IGF2BP3: variants seen among roughly 807,000 people sequenced by gnomAD.
IGF2BP3 encodes the protein insulin like growth factor 2 mRNA binding protein 3.
IGF2BP3 carries 9 observed loss-of-function variants against 73.8 expected under a neutral mutation model. The ratio of observed to expected loss-of-function variants is 0.12; its 90% CI spans 0.07 to 0.21. The LOEUF is 0.21. Ranked by LOEUF, IGF2BP3 falls within the 10% of genes least tolerant of loss-of-function variation. The pLI is 1.00. For synonymous variants in IGF2BP3, 258 were observed against 256.7 expected, an observed-to-expected ratio of 1.01 and a Z score of -0.05; for missense variants, 542 against 714.0, an observed-to-expected ratio of 0.76 and a Z score of 2.75.
rs532008659 is a variant in IGF2BP3, at chr7:23,344,042, G to A, written c.942-189C>T. Among the ~76,000 whole-genome samples, 3 of 152,318 alleles carry A rather than the reference G, an allele frequency of 2.0e-5. No homozygotes were observed. In the South Asian group the frequency reaches 6.2e-4, roughly 32 times the overall value. On this transcript the variant is annotated intron_variant, in intron 8 of 14. Coordinates refer to ENST00000258729, the MANE Select transcript of IGF2BP3 (RefSeq NM_006547.3). ...TCCGAAACTGTAAAGCTGCAAGAGA[G>A]AAGAAAATATTTGCCCTCCCATTTT...
At chr7:23,413,911 G>C (rs1272669537) in intron 3 of IGF2BP3, 1 of 152,230 alleles carries the variant, frequency 6.6e-6, no homozygotes, top group Non-Finnish European at 1.5e-5. Flanking sequence ...CCAGCACTGT[G>C]GGAGGCCAAG....
At chr7:23,338,022 A>AT (rs11436871) in intron 10 of IGF2BP3, among the ~76,000 whole-genome samples, 2,607 of 151,372 alleles carry the variant, frequency 0.017, 66 homozygotes, top group African/African-American at 0.059. Flanking sequence ...AATTTAAGCC[A>AT]TTTTTTTTTC....
At chr7:23,427,317 A>G (rs1787542157) in intron 2 of IGF2BP3, among the ~76,000 whole-genome samples, 1 of 152,170 alleles carries the variant, frequency 6.6e-6, no homozygotes, top group Non-Finnish European at 1.5e-5. Context: ...CCGTTTCCCT[A>G]TAGGAAACTC....
intron 10 of IGF2BP3, among the ~76,000 whole-genome samples, chr7:23,337,857 T>G (rs1784611833): frequency 6.6e-6 from 1 of 152,186 alleles, no homozygotes; most frequent in Non-Finnish European, 1.5e-5. Flanking sequence ...TCTTGTTGGC[T>G]GGAAACAGAC....
chr7:23,366,542 AAAC>A (rs1251340219), intron 3 of IGF2BP3, among the ~76,000 whole-genome samples: 1 of 151,552 alleles, frequency 6.6e-6, no homozygotes, highest in Admixed American at 6.6e-5. Context: ...CATGGCTTTA[AAAC>A]AAAGTAAAAA....
At chr7:23,359,235 T>C (rs1356269258) in intron 5 of IGF2BP3, among the ~76,000 whole-genome samples, 2 of 152,210 alleles carry the variant, frequency 1.3e-5, no homozygotes, top group Non-Finnish European at 2.9e-5. Flanking sequence ...CCAGTCTACC[T>C]TTCCTGTGCT....
At chr7:23,422,127 A>G (rs1026746564) in intron 2 of IGF2BP3, among the ~76,000 whole-genome samples, 3 of 152,158 alleles carry the variant, frequency 2.0e-5, no homozygotes, top group Non-Finnish European at 2.9e-5. Flanking sequence ...TTAGCAGCAG[A>G]GTTAAGAAAC....
chr7:23,465,523 T>TC (rs34021878), intron 2 of IGF2BP3, among the ~76,000 whole-genome samples: 26,720 of 150,850 alleles, frequency 0.18, 2,694 homozygotes, highest in African/African-American at 0.27. Flanking sequence ...CCTGAAAGGG[T>TC]CCCCCCCCAA....
chr7:23,444,961 G>A (rs1422152315), intron 2 of IGF2BP3, among the ~76,000 whole-genome samples: 1 of 152,030 alleles, frequency 6.6e-6, no homozygotes, highest in Non-Finnish European at 1.5e-5. Context: ...AGGAAGCTAA[G>A]GTGGAAGGAT....
At chr7:23,340,910 C>T (rs1188896140) in intron 10 of IGF2BP3, among the ~76,000 whole-genome samples, 8 of 149,994 alleles carry the variant, frequency 5.3e-5, no homozygotes, top group South Asian at 4.2e-4. Flanking sequence ...AGTGCAATGG[C>T]GCAATCTCAG....
Position 23,313,602 on chromosome 7 carries a change from T to C in IGF2BP3, c.1447A>G (p.Lys483Glu). Reference protein sequence around the residue: ...KIKEENFVSPKEEVKLEAHIR... With the variant: ...KIKEENFVSPEEEVKLEAHIR... ...TGAGCTTCAAGTTTCACCTCTTCTT[T>C]AGGACTAACAAAGTTTTCTTCTTTA... Residue 483 changes from lysine to glutamate, a missense_variant, in exon 13 of 15, where the codon AAA becomes GAA. Transcript: ENST00000258729. The C allele has an allele frequency of 6.2e-7, 1 of 1,614,004 alleles. No individual in the cohort carries two copies. The highest frequency in any genetic ancestry group is 8.5e-7 in the Non-Finnish European group (1 of 1,179,944).
chr7:23,322,577 A>G lies in IGF2BP3; in HGVS notation c.1204-3323T>C, dbSNP rs1447228069. On this transcript the variant is annotated intron_variant, in intron 10 of 14. Coordinates refer to ENST00000258729, the MANE Select transcript of IGF2BP3 (RefSeq NM_006547.3). ...ATTCAGGAAATACAGAAAACGCCAC[A>G]AAGATACTCCTCGAGAAGAGCAACT... 2.0e-5 allele frequency among the ~76,000 whole-genome samples: 3 copies of G among 152,180 alleles called. No homozygotes were observed. In the East Asian group the frequency reaches 5.8e-4, roughly 29 times the overall value.
At chr7:23,457,133 A>G (rs1471564506) in intron 2 of IGF2BP3, among the ~76,000 whole-genome samples, 1 of 152,118 alleles carries the variant, frequency 6.6e-6, no homozygotes, top group Non-Finnish European at 1.5e-5. Context: ...ATCTTTTGAC[A>G]TAACAATTCC....
intron 2 of IGF2BP3, among the ~76,000 whole-genome samples, chr7:23,434,868 A>G (rs1464492446): frequency 6.6e-6 from 1 of 152,140 alleles, no homozygotes; most frequent in East Asian, 1.9e-4. Context: ...TGCTTCCCCA[A>G]CTACATCAGT....
chr7:23,465,829 G>C (rs754036056), intron 2 of IGF2BP3, among the ~76,000 whole-genome samples: 5 of 152,058 alleles, frequency 3.3e-5, no homozygotes, highest in Non-Finnish European at 7.4e-5. Flanking sequence ...TCAACTATCA[G>C]AGCAACCCCC....
At chr7:23,420,894 C>G (rs1038176293) in intron 2 of IGF2BP3, among the ~76,000 whole-genome samples, 1 of 152,160 alleles carries the variant, frequency 6.6e-6, no homozygotes, top group Non-Finnish European at 1.5e-5. Context: ...ATAGCTAGTA[C>G]AAGTTTACAG....
rs532681520 is a variant in IGF2BP3, at chr7:23,451,353, G to A, written c.236+17129C>T. 2.3e-3 allele frequency among the ~76,000 whole-genome samples: 353 copies of A among 152,312 alleles called. 1 individual carries two copies. Among genetic ancestry groups the A allele is most frequent in the African/African-American group, 8.0e-3 (331 of 41,574 alleles). ...GAATCGCTTGAACCCAGAAGCGGAG[G>A]CTGCAGTGAGCTGAGATTGCATCAC... On this transcript the variant is annotated intron_variant, in intron 2 of 14. Coordinates refer to ENST00000258729, the MANE Select transcript of IGF2BP3 (RefSeq NM_006547.3).
intron 2 of IGF2BP3, among the ~76,000 whole-genome samples, chr7:23,456,489 G>A (rs181188207): frequency 6.6e-6 from 1 of 152,336 alleles, no homozygotes; most frequent in East Asian, 1.9e-4. Flanking sequence ...CTAAGTACGG[G>A]AGAGCATGAG....
chr7:23,380,765 C>T (rs1400275745), intron 3 of IGF2BP3, among the ~76,000 whole-genome samples: 1 of 152,170 alleles, frequency 6.6e-6, no homozygotes, highest in Non-Finnish European at 1.5e-5. Flanking sequence ...AGGGAGAACA[C>T]AACGTGACTA....
Sources: gnomAD v4.1 joint callset for allele counts (sites outside exome capture counted in the v4.1 genomes callset) on GRCh38, gnomAD v4.1.1 for gene constraint, MANE v1.5 for transcripts, NCBI Gene and HGNC (gene_info 2026-07-23, HGNC 2026-07-21) for gene names.